BRSK2: variants seen among roughly 807,000 people sequenced by gnomAD.
BRSK2 encodes BR serine/threonine kinase 2, also known as serine/threonine-protein kinase BRSK2.
BRSK2 carries 19 observed loss-of-function variants against 83.3 expected under a neutral mutation model. The ratio of observed to expected loss-of-function variants is 0.23; its 90% CI spans 0.16 to 0.33. The LOEUF (loss-of-function observed/expected upper bound fraction) is 0.33. Ranked by LOEUF, BRSK2 falls within the 10% of genes least tolerant of loss-of-function variation. BRSK2 has a pLI of 1.00. For missense variants in BRSK2, 798 were observed against 1,042.3 expected, an observed-to-expected ratio of 0.77 and a Z score of 3.23; for synonymous variants, 519 against 435.4, an observed-to-expected ratio of 1.19 and a Z score of -2.39.
At chr11:1,413,197 G>A (rs1387759870) in intron 1 of BRSK2, among the ~76,000 whole-genome samples, 2 of 152,108 alleles carry the variant, frequency 1.3e-5, no homozygotes, top group Non-Finnish European at 2.9e-5. Flanking sequence ...CTCCCCTGGG[G>A]GCTTCTGCCT....
At chr11:1,413,152 T>C (rs1440892940) in intron 1 of BRSK2, among the ~76,000 whole-genome samples, 1 of 152,104 alleles carries the variant, frequency 6.6e-6, no homozygotes, top group Non-Finnish European at 1.5e-5. Flanking sequence ...CCAGGATCTC[T>C]GACTGGAGCC....
chr11:1,410,370 C>T (rs1342042875), intron 1 of BRSK2: 34 of 883,000 alleles, frequency 3.9e-5, no homozygotes, highest in Non-Finnish European at 1.2e-5. Flanking sequence ...AGAGCGGTGA[C>T]GGTCGCAGAG....
At chr11:1,406,792 G>A (rs538906687) in intron 1 of BRSK2, among the ~76,000 whole-genome samples, 11 of 152,218 alleles carry the variant, frequency 7.2e-5, no homozygotes, top group Non-Finnish European at 8.8e-5. Flanking sequence ...CAGGGTGTCA[G>A]CCTGCAGCTT....
intron 13 of BRSK2, 23 bp downstream of exon 13, chr11:1,449,859 C>T (rs764889152): frequency 6.3e-7 from 1 of 1,585,398 alleles, no homozygotes; most frequent in Admixed American, 1.7e-5. Flanking sequence ...CCGCCCCCAC[C>T]CAGCTCGGAT....
rs144438382 is a variant in BRSK2 at position 1,450,676 on chromosome 11, G to A, written c.1377G>A (p.Thr459=). ...CGCCAAAGGAGAGCCCGGCTGGCAC[G>A]CCCAACCCCACGCCCCCGTCCAGCC... The part of the protein sequence containing the change: ...VHTPKESPAG[T]PNPTPPSSPS... Residue 459 remains threonine, a synonymous_variant, in exon 14 of 20, where the codon ACG becomes ACA. Coordinates refer to ENST00000528841, the MANE Select transcript of BRSK2 (RefSeq NM_001256627.2). The A allele has an allele frequency of 5.8e-3, 9,364 of 1,608,902 alleles. 39 individuals carry two copies. The highest frequency in any genetic ancestry group is 6.6e-3 in the Non-Finnish European group (7,792 of 1,178,524).
At chr11:1,427,009 G>A (rs991514456) in intron 1 of BRSK2, among the ~76,000 whole-genome samples, 6 of 152,246 alleles carry the variant, frequency 3.9e-5, no homozygotes, top group African/African-American at 9.6e-5. Flanking sequence ...AGGGGGCTGC[G>A]CGGGGTCCTT....
Position 1,390,188 on chromosome 11 carries a change from C to G in BRSK2, c.-97C>G, listed in dbSNP as rs1845632510. 1 of 586,608 alleles carries G rather than the reference C, an allele frequency of 1.7e-6. No homozygotes were observed. Among genetic ancestry groups the G allele is most frequent in the Non-Finnish European group, 2.1e-6 (1 of 469,742 alleles). 36.3% of individuals were successfully genotyped at this position (586,608 alleles called of 1,614,324 possible). On this transcript the variant is annotated 5_prime_UTR_variant, in exon 1 of 20. Coordinates refer to ENST00000528841, the MANE Select transcript of BRSK2 (RefSeq NM_001256627.2). The surrounding 1 kb of genome is among the most constrained non-coding windows in gnomAD (Gnocchi z 6.8). ...GCCCGCGGGGGCGCCCCGGCCGGGT[C>G]GGCGCGGACGGCACTCGGCGGACGC...
intron 1 of BRSK2, among the ~76,000 whole-genome samples, chr11:1,433,901 C>G (rs1849921013): frequency 6.6e-6 from 1 of 152,250 alleles, no homozygotes; most frequent in Non-Finnish European, 1.5e-5. Flanking sequence ...CTGGGGAAGC[C>G]CGCTTCTTCG....
chr11:1,391,794 G>A (rs1845744988), intron 1 of BRSK2, among the ~76,000 whole-genome samples: 1 of 152,134 alleles, frequency 6.6e-6, no homozygotes, highest in Non-Finnish European at 1.5e-5. Flanking sequence ...TCCAATTACG[G>A]TCCCAATAAA....
Position 1,437,734 on chromosome 11 carries a change from G to T in BRSK2, c.187-572G>T, listed in dbSNP as rs530344612. Among the ~76,000 whole-genome samples, 11 of 152,334 alleles carry T rather than the reference G, an allele frequency of 7.2e-5. No individual in the cohort carries two copies. The East Asian group carries it at 1.2e-3, about 16-fold the overall frequency. ...CTGTGAGGCCTCCACCGTAAGGAAG[G>T]GCGGAGCCCAGGCACAGCCTGCCTG... is the stretch of plus-strand genomic sequence containing the variant. On this transcript the variant is annotated intron_variant, in intron 2 of 19. Transcript: ENST00000528841.
intron 1 of BRSK2, among the ~76,000 whole-genome samples, chr11:1,408,160 C>T (rs1847042876): frequency 6.6e-6 from 1 of 152,370 alleles, no homozygotes; most frequent in African/African-American, 2.4e-5. Flanking sequence ...CGGGCCTGGC[C>T]TCGGGCCCCA....
chr11:1,419,760 A>T (rs1488520518), intron 1 of BRSK2, among the ~76,000 whole-genome samples: 1 of 152,220 alleles, frequency 6.6e-6, no homozygotes, highest in East Asian at 1.9e-4. Flanking sequence ...AAATACAAAA[A>T]TTAGCTGTGT....
rs147685584 is a variant in BRSK2 at position 1,454,636 on chromosome 11, G to A, written c.1668+28G>A. The A allele has an allele frequency of 1.9e-5, 30 of 1,610,662 alleles. No individual in the cohort carries two copies. Among genetic ancestry groups the A allele is most frequent in the Admixed American group, 1.0e-4 (6 of 59,976 alleles). On this transcript the variant is annotated intron_variant, in intron 16 of 19. Transcript: ENST00000528841. This position sits in a 1 kb window ranked among gnomAD's most constrained non-coding sequence, Gnocchi z 5.2. ...GAGGCCACAGGGCGCTGGGGGAGGC[G>A]GGCAGCCCTCCCAACCCCACACGGC...
chr11:1,443,218 G>A (rs897566887), intron 6 of BRSK2, 79 bp downstream of exon 6: 48 of 1,517,296 alleles, frequency 3.2e-5, no homozygotes, highest in South Asian at 2.1e-4. Context: ...CCAGCCTGCC[G>A]CACCCCCAGG....
intron 18 of BRSK2, among the ~76,000 whole-genome samples, chr11:1,457,290 CG>C (rs1448619815): frequency 1.3e-5 from 2 of 152,308 alleles, no homozygotes; most frequent in Non-Finnish European, 1.5e-5. Flanking sequence ...GGCTGCCTGA[CG>C]GGCTGTGACT....
rs913315667 is a variant in BRSK2 at position 1,423,309 on chromosome 11, T to C, written c.92-12731T>C. Among the ~76,000 whole-genome samples, 2 of 152,106 alleles carry C rather than the reference T, an allele frequency of 1.3e-5. No individual in the cohort carries two copies. The highest frequency in any genetic ancestry group is 4.8e-5 in the African/African-American group (2 of 41,406). ...TGTCCTGTCCTTAGCGTCTTGAGGCTAGGGGTGAGTTCGAGACCTCGTAAA... is the reference window on the plus strand; with the variant it reads ...TGTCCTGTCCTTAGCGTCTTGAGGCCAGGGGTGAGTTCGAGACCTCGTAAA... On this transcript the variant is annotated intron_variant, in intron 1 of 19. Transcript: ENST00000528841. The surrounding 1 kb of genome is among the most constrained non-coding windows in gnomAD (Gnocchi z 6.5).
intron 12 of BRSK2, 100 bp from the exon 13 acceptor site, chr11:1,449,676 C>T (rs1348737900): frequency 9.7e-7 from 1 of 1,026,870 alleles, no homozygotes; most frequent in Non-Finnish European, 1.4e-6. Context: ...GGCCCGGGCT[C>T]CAGGCCTCCT....
intron 1 of BRSK2, among the ~76,000 whole-genome samples, chr11:1,401,212 TGG>T (rs1390532136): frequency 6.6e-6 from 1 of 152,224 alleles, no homozygotes; most frequent in Non-Finnish European, 1.5e-5. Context: ...CTGAGGCACC[TGG>T]CCTGTGTCCT....
Position 1,460,831 on chromosome 11 carries a change from T to C in BRSK2, c.*108T>C. 1 of 1,524,714 alleles carries C rather than the reference T, an allele frequency of 6.6e-7. No individual in the cohort carries two copies. The highest frequency in any genetic ancestry group is 1.2e-5 in the South Asian group (1 of 83,358). The allele number at this position is 1,524,714 out of a possible 1,614,324, so 94.4% of individuals were successfully genotyped here. On this transcript the variant is annotated 3_prime_UTR_variant, in exon 20 of 20. Transcript: ENST00000528841. ...GGCCGCGCCGCCCGTCCGTCCAGAC[T>C]GTTCTCAGAGCCTGGGAGGAAAGGA...
Sources: gnomAD v4.1 joint callset for allele counts (sites outside exome capture counted in the v4.1 genomes callset) on GRCh38, gnomAD v4.1.1 for gene constraint, Gnocchi (gnomAD v3.1) non-coding constraint, MANE v1.5 for transcripts, NCBI Gene and HGNC (gene_info 2026-07-23, HGNC 2026-07-21) for gene names.